SNTG1: variants seen among roughly 807,000 people sequenced by gnomAD.
SNTG1 encodes the protein gamma-1-syntrophin.
A neutral mutation model predicts 74.7 loss-of-function variants in SNTG1; 39 were observed. That is an observed-to-expected ratio of 0.52 (90% CI 0.40 to 0.68). The LOEUF (loss-of-function observed/expected upper bound fraction) is 0.68. SNTG1 is among the 30% of genes least tolerant of loss of function. The pLI is 0.00. For synonymous variants in SNTG1, 254 were observed against 217.1 expected (o/e 1.17, Z -1.49); for missense variants, 685 against 609.5 (o/e 1.12, Z -1.30).
chr8:50,723,294 A>G (rs28698643), intron 17 of SNTG1, among the ~76,000 whole-genome samples: 58 of 152,292 alleles, frequency 3.8e-4, no homozygotes, highest in African/African-American at 1.3e-3. Context: ...TCATTTATTT[A>G]TTTCTTTTGC....
chr8:50,024,534 T>G (rs1042104568), intron 1 of SNTG1, among the ~76,000 whole-genome samples: 4 of 152,234 alleles, frequency 2.6e-5, no homozygotes, highest in Admixed American at 2.6e-4. Context: ...GTTCCCTTTA[T>G]CAAAGGGAAA....
intron 8 of SNTG1, among the ~76,000 whole-genome samples, chr8:50,472,578 A>G (rs2093662002): frequency 6.6e-6 from 1 of 152,152 alleles, no homozygotes; most frequent in Non-Finnish European, 1.5e-5. Context: ...TCATACAAGA[A>G]AACAGAGAAA....
chr8:49,912,409 T>C (rs1805657558), intron 1 of SNTG1, among the ~76,000 whole-genome samples, 178 bp downstream of exon 1: 1 of 152,222 alleles, frequency 6.6e-6, no homozygotes, highest in Non-Finnish European at 1.5e-5. Flanking sequence ...ATAACATACA[T>C]GTTGCCTTAC....
At chr8:50,344,908 T>A (rs1451535231) in intron 2 of SNTG1, among the ~76,000 whole-genome samples, 1 of 152,184 alleles carries the variant, frequency 6.6e-6, no homozygotes, top group African/African-American at 2.4e-5. Context: ...AAGTGGGCCC[T>A]AATCCAATCA....
chr8:50,694,948 G>A (rs969782396), intron 15 of SNTG1, among the ~76,000 whole-genome samples: 9 of 149,258 alleles, frequency 6.0e-5, no homozygotes, highest in Non-Finnish European at 7.4e-5. Context: ...CACAATAAAG[G>A]CCATATATGA....
At chr8:50,524,919 A>G (rs1238701354) in intron 9 of SNTG1, among the ~76,000 whole-genome samples, 1 of 152,162 alleles carries the variant, frequency 6.6e-6, no homozygotes, top group Non-Finnish European at 1.5e-5. Context: ...AAAAATTACT[A>G]TGAATACACC....
intron 1 of SNTG1, among the ~76,000 whole-genome samples, chr8:50,010,580 T>C (rs182323042): frequency 2.0e-4 from 31 of 152,264 alleles, no homozygotes; most frequent in Admixed American, 7.8e-4. Flanking sequence ...ATAGTCATTT[T>C]CTAAAGAATG....
intron 1 of SNTG1, among the ~76,000 whole-genome samples, chr8:50,072,454 T>C (rs1468634884): frequency 6.6e-6 from 1 of 152,220 alleles, no homozygotes; most frequent in Non-Finnish European, 1.5e-5. Flanking sequence ...TTATGGCTTA[T>C]ACAGTTAATA....
At chr8:49,967,754 T>G (rs1284590802) in intron 1 of SNTG1, among the ~76,000 whole-genome samples, 1 of 152,172 alleles carries the variant, frequency 6.6e-6, no homozygotes, top group Non-Finnish European at 1.5e-5. Flanking sequence ...ATTAAAGCAG[T>G]GAAAAGTTCC....
intron 4 of SNTG1, among the ~76,000 whole-genome samples, chr8:50,418,858 G>A (rs2093046561): frequency 6.6e-6 from 1 of 151,946 alleles, no homozygotes; most frequent in African/African-American, 2.4e-5. Context: ...CTCTTTCATT[G>A]AAGCCACATC....
intron 17 of SNTG1, among the ~76,000 whole-genome samples, chr8:50,710,996 T>G (rs1233043087): frequency 6.6e-6 from 1 of 152,120 alleles, no homozygotes; most frequent in Non-Finnish European, 1.5e-5. Flanking sequence ...GAAGGTTATA[T>G]TATCCATCAC....
chr8:50,769,656 TG>T (rs1177894705), intron 18 of SNTG1, among the ~76,000 whole-genome samples: 2 of 152,042 alleles, frequency 1.3e-5, no homozygotes, highest in African/African-American at 4.8e-5. Context: ...GGTCTCCTCA[TG>T]CCCCAAGTAA....
chr8:50,576,741 TAA>T, intron 12 of SNTG1, among the ~76,000 whole-genome samples: 1 of 152,082 alleles, frequency 6.6e-6, no homozygotes, highest in Admixed American at 6.6e-5. Context: ...ATAAAAATTT[TAA>T]GTTTTCTTTT....
intron 2 of SNTG1, among the ~76,000 whole-genome samples, chr8:50,216,023 A>C (rs562776005): frequency 6.6e-6 from 1 of 152,236 alleles, no homozygotes; most frequent in East Asian, 1.9e-4. Context: ...TGTCTATCTC[A>C]CTCAGGAGCA....
intron 17 of SNTG1, among the ~76,000 whole-genome samples, chr8:50,711,111 C>T (rs2095460329): frequency 6.6e-6 from 1 of 152,156 alleles, no homozygotes; most frequent in African/African-American, 2.4e-5. Flanking sequence ...CTGAGCTGGG[C>T]TGACTGCAAG....
At chr8:50,618,437 A>C (rs1228167327) in intron 13 of SNTG1, among the ~76,000 whole-genome samples, 1 of 152,176 alleles carries the variant, frequency 6.6e-6, no homozygotes, top group Non-Finnish European at 1.5e-5. Context: ...CTATGGTAAA[A>C]TGTTTACTTC....
chr8:50,674,925 C>A (rs1488215953), intron 15 of SNTG1, among the ~76,000 whole-genome samples: 3 of 151,896 alleles, frequency 2.0e-5, no homozygotes, highest in Non-Finnish European at 2.9e-5. Context: ...ATTATTTAAC[C>A]AGGAGTCATT....
intron 15 of SNTG1, among the ~76,000 whole-genome samples, chr8:50,680,230 CA>C (rs1418692052): frequency 6.6e-6 from 1 of 152,154 alleles, no homozygotes; most frequent in African/African-American, 2.4e-5. Flanking sequence ...GTGTATGTGA[CA>C]GGCAATTTTA....
chr8:49,926,370 A>G lies in SNTG1; in HGVS notation c.-103+14139A>G, dbSNP rs979339105. 1.6e-4 allele frequency among the ~76,000 whole-genome samples: 24 copies of G among 152,252 alleles called. 2 individuals carry two copies. The East Asian group carries it at 4.4e-3, about 28-fold the overall frequency. ...TTTTTAGAAGTTCACAAATATATTT[A>G]TAAAAACTGGAGCATATATTGTGCC... On this transcript the variant is annotated intron_variant, in intron 1 of 18. Coordinates refer to ENST00000642720, the MANE Select transcript of SNTG1 (RefSeq NM_018967.5).
Sources: gnomAD v4.1 joint callset for allele counts (sites outside exome capture counted in the v4.1 genomes callset) on GRCh38, gnomAD v4.1.1 for gene constraint, MANE v1.5 for transcripts, NCBI Gene and HGNC (gene_info 2026-07-23, HGNC 2026-07-21) for gene names.